Variants in UNC13C observed in about 807,000 individuals in gnomAD.
The protein encoded by UNC13C is unc-13 homolog C.
Under a neutral mutation model 245.4 loss-of-function variants are expected in UNC13C, and 174 were observed. That is an observed-to-expected ratio of 0.71 (90% CI 0.63 to 0.80). UNC13C has a LOEUF of 0.80. Among genes scored for constraint, UNC13C ranks in the 30% least tolerant of loss-of-function variants. The pLI, the probability that UNC13C is intolerant of heterozygous loss-of-function variation, is 0.00. For missense variants in UNC13C, 2,829 were observed against 2,602.9 expected (o/e 1.09, Z -1.89); for synonymous variants, 992 against 895.1 (o/e 1.11, Z -1.93).
At chr15:54,344,064 T>G (rs529410971) in intron 17 of UNC13C, among the ~76,000 whole-genome samples, 1 of 152,290 alleles carries the variant, frequency 6.6e-6, no homozygotes, top group African/African-American at 2.4e-5. Flanking sequence ...CTTGCTAAAT[T>G]GGACAATGCA....
intron 24 of UNC13C, among the ~76,000 whole-genome samples, chr15:54,517,749 A>AC (rs1194162221): frequency 2.0e-5 from 3 of 152,152 alleles, no homozygotes; most frequent in African/African-American, 4.8e-5. Flanking sequence ...TAAGATGCAG[A>AC]CCCCACCCTC....
At chr15:54,007,565 A>T (rs544812725) in intron 1 of UNC13C, among the ~76,000 whole-genome samples, 1 of 152,160 alleles carries the variant, frequency 6.6e-6, no homozygotes, top group African/African-American at 2.4e-5. Flanking sequence ...TACAATGAGG[A>T]CACGTGGACT....
intron 13 of UNC13C, among the ~76,000 whole-genome samples, chr15:54,308,638 A>G (rs1191584907): frequency 6.6e-6 from 1 of 151,806 alleles, no homozygotes; most frequent in African/African-American, 2.4e-5. Flanking sequence ...GCTTTAACAA[A>G]TATCTCCCAG....
intron 2 of UNC13C, among the ~76,000 whole-genome samples, chr15:54,142,468 C>T (rs1372707768): frequency 6.6e-6 from 1 of 152,178 alleles, no homozygotes; most frequent in East Asian, 1.9e-4. Flanking sequence ...AAGATGGAAT[C>T]AACTTAATCT....
chr15:54,275,964 T>G (rs559990055), intron 10 of UNC13C, among the ~76,000 whole-genome samples: 18 of 152,240 alleles, frequency 1.2e-4, no homozygotes, highest in Non-Finnish European at 2.2e-4. Context: ...GAGCTGTAGG[T>G]ATACACAATA....
At position 54,038,116 on chromosome 15, in the gene UNC13C, A is replaced by T. The variant is rs1395380806; in HGVS notation, c.2983+22230A>T. On this transcript the variant is annotated intron_variant, in intron 2 of 32. Transcript: ENST00000260323. ...TACATATACATATATATATATATAT[A>T]TATATATATTTTTTTTTTTTTTTTC... 7.5e-4 allele frequency among the ~76,000 whole-genome samples: 17 copies of T among 22,584 alleles called. No individual in the cohort carries two copies. The East Asian group carries it at 7.7e-3, about 10-fold the overall frequency. 14.8% of individuals were successfully genotyped at this position (22,584 alleles called of 152,430 possible). A position where few individuals can be genotyped will look rare whatever the true frequency, so the allele number is the denominator to read the frequency against.
chr15:54,091,176 C>T (rs912317708), intron 2 of UNC13C, among the ~76,000 whole-genome samples: 3 of 152,150 alleles, frequency 2.0e-5, no homozygotes, highest in Non-Finnish European at 2.9e-5. Context: ...ATCCTTCTGC[C>T]TCTGACCTTT....
intron 4 of UNC13C, among the ~76,000 whole-genome samples, chr15:54,214,940 G>C (rs2034994344): frequency 1.3e-5 from 2 of 151,532 alleles, no homozygotes; most frequent in African/African-American, 4.8e-5. Context: ...TTAATTAAAG[G>C]GATTTTTTTT....
intron 11 of UNC13C, among the ~76,000 whole-genome samples, chr15:54,297,058 A>G (rs2037455637): frequency 6.6e-6 from 1 of 152,232 alleles, no homozygotes; most frequent in African/African-American, 2.4e-5. Context: ...AACTATTAAC[A>G]TTTTGTTATA....
rs1272320080 is a variant in UNC13C, at chr15:54,322,039, G to C, written c.4369G>C (p.Val1457Leu). Residue 1457 changes from valine to leucine, a missense_variant, in exon 14 of 33, where the codon GTT (valine) becomes CTT (leucine). Val to Leu is a conservative substitution (Grantham distance 32, BLOSUM62 1). Coordinates refer to ENST00000260323, the MANE Select transcript of UNC13C (RefSeq NM_001080534.3). Reference sequence around the variant, plus strand: ...AAATGCTTTTTATGCTCACACAACAGTTTCAACAAACATACAGGTTTCTGC... The same window carrying C: ...AAATGCTTTTTATGCTCACACAACACTTTCAACAAACATACAGGTTTCTGC... ...NINAFYAHTT[V>L]STNIQVSASD... 1 of 1,591,646 alleles carries C rather than the reference G, an allele frequency of 6.3e-7. No individual in the cohort carries two copies. The highest frequency in any genetic ancestry group is 1.1e-5 in the South Asian group (1 of 87,668).
intron 13 of UNC13C, among the ~76,000 whole-genome samples, chr15:54,307,460 T>C (rs944065253): frequency 3.9e-5 from 6 of 151,942 alleles, no homozygotes; most frequent in Non-Finnish European, 5.9e-5. Context: ...TTTCAACATA[T>C]GAGTTTTTCA....
At chr15:54,038,917 CTG>C (rs1230298577) in intron 2 of UNC13C, among the ~76,000 whole-genome samples, 3 of 152,104 alleles carry the variant, frequency 2.0e-5, no homozygotes, top group Non-Finnish European at 2.9e-5. Context: ...TGTAGCCTCT[CTG>C]TGGTAAATTC....
In UNC13C at chr15:54,015,585, TA is replaced by T; in HGVS notation, c.2683del (p.Ile895LeufsTer41). 6.2e-7 allele frequency: 1 copy of T among 1,613,836 alleles called. No homozygotes were observed. The highest frequency in any genetic ancestry group is 8.5e-7 in the Non-Finnish European group (1 of 1,179,802). Reference sequence around the variant, plus strand: ...TTGCTAAACTAGAAAACAGGACTAGTATTACTGAAACAGATGAACAAATGCA... The same window carrying T: ...TTGCTAAACTAGAAAACAGGACTAGTTTACTGAAACAGATGAACAAATGCA... ...VLAKLENRTS[I>X]TETDEQMQAY... On this transcript the variant is annotated frameshift_variant, in exon 2 of 33. Coordinates refer to ENST00000260323, the MANE Select transcript of UNC13C (RefSeq NM_001080534.3). LOFTEE classifies it high-confidence loss of function.
intron 32 of UNC13C, among the ~76,000 whole-genome samples, chr15:54,625,969 C>T (rs954121606): frequency 2.0e-5 from 3 of 152,080 alleles, no homozygotes; most frequent in Admixed American, 2.0e-4. Context: ...CAGATTCTCC[C>T]TAAAGTACAA....
intron 4 of UNC13C, among the ~76,000 whole-genome samples, chr15:54,147,344 T>G (rs536385381): frequency 6.6e-6 from 1 of 151,792 alleles, no homozygotes; most frequent in African/African-American, 2.4e-5. Context: ...CTCAGCCTCC[T>G]GAGTAGCTGG....
intron 4 of UNC13C, among the ~76,000 whole-genome samples, chr15:54,187,479 A>G (rs2034033320): frequency 6.6e-6 from 1 of 152,126 alleles, no homozygotes; most frequent in South Asian, 2.1e-4. Flanking sequence ...TTTGAATTCC[A>G]GTCACACTAG....
chr15:54,095,523 A>G (rs1899808801), intron 2 of UNC13C, among the ~76,000 whole-genome samples: 2 of 152,174 alleles, frequency 1.3e-5, no homozygotes, highest in South Asian at 4.1e-4. Flanking sequence ...GTTGGCACCT[A>G]TTCAGTAGAT....
At chr15:53,895,367 A>AG in the UNC13C span, among the ~76,000 whole-genome samples, 2 of 150,812 alleles carry the variant, frequency 1.3e-5, no homozygotes, top group African/African-American at 4.9e-5. Flanking sequence ...AAAAAAAAAA[A>AG]AAAGAAAGAA....
At chr15:54,528,359 A>G (rs1286145814) in intron 25 of UNC13C, among the ~76,000 whole-genome samples, 1 of 147,998 alleles carries the variant, frequency 6.8e-6, no homozygotes, top group African/African-American at 2.5e-5. Flanking sequence ...CTTTAGTACT[A>G]GAGGCTGGCT....
Sources: gnomAD v4.1 joint callset for allele counts (sites outside exome capture counted in the v4.1 genomes callset) on GRCh38, gnomAD v4.1.1 for gene constraint, MANE v1.5 for transcripts, NCBI Gene and HGNC (gene_info 2026-07-23, HGNC 2026-07-21) for gene names.